NEDD9: variants seen among roughly 807,000 people sequenced by gnomAD.
NEDD9 encodes enhancer of filamentation 1.
Under a neutral mutation model 76.6 loss-of-function variants are expected in NEDD9, and 26 were observed. The ratio of observed to expected loss-of-function variants is 0.34; its 90% CI spans 0.25 to 0.47. The LOEUF is 0.47. NEDD9 is among the 20% of genes least tolerant of loss of function. The pLI, the probability that NEDD9 is intolerant of heterozygous loss-of-function variation, is 1.00. For missense variants in NEDD9, 937 were observed against 1,058.5 expected, an observed-to-expected ratio of 0.89 and a Z score of 1.59; for synonymous variants, 392 against 414.2, an observed-to-expected ratio of 0.95 and a Z score of 0.65.
intron 1 of NEDD9, among the ~76,000 whole-genome samples, chr6:11,364,112 C>T (rs1335025459): frequency 6.6e-6 from 1 of 152,178 alleles, no homozygotes; most frequent in Admixed American, 6.5e-5. Context: ...CACCTGCTTT[C>T]CTTCTGGGAG....
intron 3 of NEDD9, chr6:11,304,987 C>G: frequency 1.1e-6 from 1 of 937,286 alleles, no homozygotes; most frequent in Non-Finnish European, 1.4e-6. Flanking sequence ...GACAATCAAA[C>G]TTGTTTTTAA....
chr6:11,209,520 T>C (rs1758709860), intron 2 of NEDD9, among the ~76,000 whole-genome samples: 1 of 152,188 alleles, frequency 6.6e-6, no homozygotes, highest in African/African-American at 2.4e-5. Context: ...ACAGGGCTGA[T>C]GTAGTAGGAA....
At chr6:11,223,783 G>A (rs1759220182) in intron 1 of NEDD9, among the ~76,000 whole-genome samples, 1 of 152,158 alleles carries the variant, frequency 6.6e-6, no homozygotes, top group South Asian at 2.1e-4. Context: ...AATGGGCATG[G>A]CTTTATTTCT....
At chr6:11,189,907 T>C in intron 5 of NEDD9, 57 bp downstream of exon 5, 1 of 1,495,192 alleles carries the variant, frequency 6.7e-7, no homozygotes, top group Middle Eastern at 1.8e-4. Context: ...TAGGCATCTT[T>C]CTCAGGCTCC....
chr6:11,235,848 C>T (rs757150202), upstream of NEDD9, among the ~76,000 whole-genome samples: 1 of 152,056 alleles, frequency 6.6e-6, no homozygotes, highest in Non-Finnish European at 1.5e-5. The surrounding 1 kb of genome is among the most constrained non-coding windows in gnomAD (Gnocchi z 4.1). Flanking sequence ...AGGATGAGCT[C>T]AGAGAGGTAG....
intron 3 of NEDD9, among the ~76,000 whole-genome samples, chr6:11,254,170 G>A (rs560805343): frequency 2.9e-4 from 44 of 152,126 alleles, no homozygotes; most frequent in Admixed American, 4.6e-4. Flanking sequence ...ACCCAGGCTG[G>A]AGTACAGTGG....
intron 2 of NEDD9, among the ~76,000 whole-genome samples, chr6:11,329,432 C>T (rs925759820): frequency 2.6e-5 from 4 of 152,194 alleles, no homozygotes; most frequent in African/African-American, 9.7e-5. Flanking sequence ...CTCTGCCTTC[C>T]TTTGGGGTTA....
chr6:11,218,318 G>T (rs1759034302), intron 1 of NEDD9, among the ~76,000 whole-genome samples: 1 of 150,296 alleles, frequency 6.7e-6, no homozygotes, highest in South Asian at 2.1e-4. Context: ...CCACCTCACT[G>T]CCACCCTTCA....
At chr6:11,330,309 T>C (rs1762009679) in intron 2 of NEDD9, among the ~76,000 whole-genome samples, 1 of 152,128 alleles carries the variant, frequency 6.6e-6, no homozygotes, top group Non-Finnish European at 1.5e-5. Flanking sequence ...ACATTATCTG[T>C]GGGAGGGAGA....
chr6:11,359,752 T>C (rs1485742504), intron 1 of NEDD9, among the ~76,000 whole-genome samples: 2 of 152,216 alleles, frequency 1.3e-5, no homozygotes, highest in East Asian at 1.9e-4. Context: ...ACCCATCCTA[T>C]AAGATTGGTG....
intron 1 of NEDD9, among the ~76,000 whole-genome samples, chr6:11,340,424 G>T (rs1762249788): frequency 1.3e-5 from 2 of 152,100 alleles, no homozygotes; most frequent in Admixed American, 1.3e-4. Context: ...ATAATTTAGA[G>T]AATTTGACAG....
At chr6:11,355,935 A>C (rs1382429262) in intron 1 of NEDD9, among the ~76,000 whole-genome samples, 3 of 151,976 alleles carry the variant, frequency 2.0e-5, no homozygotes, top group Non-Finnish European at 4.4e-5. Flanking sequence ...GTTAGCCAGG[A>C]TGGTCTCGAT....
At chr6:11,200,867 G>A (rs1387039815) in intron 2 of NEDD9, 1 of 1,589,128 alleles carries the variant, frequency 6.3e-7, no homozygotes. Context: ...AGGAGAAAAT[G>A]TGTTTTTCCA....
In NEDD9 at chr6:11,252,497, A is replaced by G. The variant is rs1212442433; in HGVS notation, c.13-38770T>C. Among the ~76,000 whole-genome samples the G allele has an allele frequency of 3.3e-5, 5 of 152,216 alleles. No individual in the cohort carries two copies. Among genetic ancestry groups the G allele is most frequent in the African/African-American group, 1.2e-4 (5 of 41,454 alleles). On this transcript the variant is annotated intron_variant, in intron 3 of 3. Transcript: ENST00000397378. The surrounding 1 kb of genome is among the most constrained non-coding windows in gnomAD (Gnocchi z 4.3). ...GGCTCTCCATCCTTTAAACAAATTA[A>G]CACAGCCCACAGCTACCTCCCATGC...
chr6:11,343,132 TAAAA>T (rs35061159), intron 1 of NEDD9, among the ~76,000 whole-genome samples: 4 of 151,686 alleles, frequency 2.6e-5, no homozygotes, highest in Admixed American at 2.0e-4. Flanking sequence ...AAAAAAACCT[TAAAA>T]AAGGTAACTT....
rs140217796 is a variant in NEDD9 at position 11,267,939 on chromosome 6, C to T, written c.12+38053G>A. 4.6e-5 allele frequency among the ~76,000 whole-genome samples: 7 copies of T among 152,336 alleles called. No homozygotes were observed. In the East Asian group the frequency reaches 1.2e-3, roughly 25 times the overall value. On this transcript the variant is annotated intron_variant, in intron 3 of 3. Coordinates refer to the NEDD9 transcript ENST00000397378. The stretch of plus-strand genomic sequence containing the variant: ...AAACTGACCCTCAGGCTTCACCCTA[C>T]AACAGATTTAGACCACAGCAGAGTT...
rs1227074774 is a variant in NEDD9 at position 11,185,033 on chromosome 6, T to TA, written c.*128dup. ...GAATTTCTGAAAGTTGACTGACCCA[T>TA]AAAATGTTAAAATATTTCATTTTTA... is the stretch of plus-strand genomic sequence containing the variant. On this transcript the variant is annotated 3_prime_UTR_variant, in exon 7 of 7. Transcript: ENST00000379446. 2.4e-4 allele frequency: 297 copies of TA among 1,217,624 alleles called. No individual in the cohort carries two copies. The African/African-American group carries it at 3.9e-3, about 16-fold the overall frequency. 75.4% of individuals were successfully genotyped at this position (1,217,624 alleles called of 1,614,324 possible). A position where few individuals can be genotyped will look rare whatever the true frequency, so the allele number is the denominator to read the frequency against.
intron 2 of NEDD9, among the ~76,000 whole-genome samples, chr6:11,326,963 T>C (rs1428134509): frequency 6.6e-6 from 1 of 152,184 alleles, no homozygotes; most frequent in Admixed American, 6.5e-5. Flanking sequence ...AGTTGTGTGG[T>C]GAGAAAAGGG....
intron 3 of NEDD9, among the ~76,000 whole-genome samples, chr6:11,260,690 G>A (rs1220751795): frequency 6.6e-6 from 1 of 152,200 alleles, no homozygotes; most frequent in African/African-American, 2.4e-5. Context: ...TGGGTCCTAA[G>A]TAACTTGAAG....
Sources: gnomAD v4.1 joint callset for allele counts (sites outside exome capture counted in the v4.1 genomes callset) on GRCh38, gnomAD v4.1.1 for gene constraint, Gnocchi (gnomAD v3.1) non-coding constraint, MANE v1.5 for transcripts, NCBI Gene and HGNC (gene_info 2026-07-23, HGNC 2026-07-21) for gene names.